Variants in MYLK observed in about 807,000 individuals in gnomAD.
The protein encoded by MYLK is myosin light chain kinase, also known as myosin light chain kinase, smooth muscle.
Under a neutral mutation model 203.4 loss-of-function variants are expected in MYLK, and 106 were observed. That is an observed-to-expected ratio of 0.52 (90% CI 0.45 to 0.61). MYLK has a LOEUF of 0.61. Ranked by LOEUF, MYLK falls within the 20% of genes least tolerant of loss-of-function variation. The pLI is 0.00. For missense variants in MYLK, 2,072 were observed against 2,442.3 expected, an observed-to-expected ratio of 0.85 and a Z score of 3.20; for synonymous variants, 867 against 959.5, an observed-to-expected ratio of 0.90 and a Z score of 1.78.
At chr3:123,860,755 G>A (rs1237754373) in intron 2 of MYLK, among the ~76,000 whole-genome samples, 19 of 152,088 alleles carry the variant, frequency 1.2e-4, no homozygotes, top group Admixed American at 1.2e-3. Flanking sequence ...CTGTCTTGTT[G>A]CTTCTTCTTC....
In MYLK at chr3:123,733,907, G is replaced by T; in HGVS notation, c.1089C>A (p.Val363=). 1.2e-6 allele frequency: 2 copies of T among 1,614,218 alleles called. No individual in the cohort carries two copies. Among genetic ancestry groups the T allele is most frequent in the Non-Finnish European group, 1.7e-6 (2 of 1,180,040 alleles). ...QPEPRAPGLG[V]LSPSGEERKR... is the part of the protein sequence containing the mutation. ...TCCTCTCTTCTCCAGAAGGTGATAG[G>T]ACCCCCAGGCCTGGTGCTCTTGGTT... Residue 363 remains valine, a synonymous_variant, in exon 10 of 34, where the codon GTC becomes GTA. Transcript: ENST00000360304.
At chr3:123,644,657 T>C (rs1361684199) in intron 27 of MYLK, 1 of 152,192 alleles carries the variant, frequency 6.6e-6, no homozygotes, top group Non-Finnish European at 1.5e-5. Flanking sequence ...CCACATGTCC[T>C]CACATGCCCA....
intron 31 of MYLK, chr3:123,623,314 C>T (rs2057970175): frequency 6.6e-6 from 1 of 152,158 alleles, no homozygotes; most frequent in African/African-American, 2.4e-5. Flanking sequence ...AAGATGGCTA[C>T]CTAAGGGCCT....
intron 4 of MYLK, among the ~76,000 whole-genome samples, chr3:123,789,473 C>T (rs1201757968): frequency 6.6e-6 from 1 of 151,886 alleles, no homozygotes; most frequent in Non-Finnish European, 1.5e-5. Flanking sequence ...GTGGGCGTAT[C>T]CCTTGGGCAG....
chr3:123,713,595 G>A (rs1182858521), intron 13 of MYLK, among the ~76,000 whole-genome samples: 8 of 116,476 alleles, frequency 6.9e-5, no homozygotes, highest in Non-Finnish European at 1.3e-4. Flanking sequence ...GTGTGTGTGT[G>A]TGTGTGTGTG....
intron 5 of MYLK, among the ~76,000 whole-genome samples, chr3:123,744,225 T>C (rs539549775): frequency 6.6e-6 from 1 of 152,202 alleles, no homozygotes; most frequent in African/African-American, 2.4e-5. Flanking sequence ...TATAAAAATA[T>C]GGATTTCAAT....
intron 5 of MYLK, among the ~76,000 whole-genome samples, chr3:123,740,933 G>A (rs1027550903): frequency 5.3e-5 from 8 of 152,224 alleles, no homozygotes; most frequent in Non-Finnish European, 7.3e-5. Flanking sequence ...GCAGCTGGGA[G>A]GGACAATTCA....
At chr3:123,799,768 G>C (rs1322857863) in intron 3 of MYLK, 1 of 152,478 alleles carries the variant, frequency 6.6e-6, no homozygotes, top group Non-Finnish European at 1.5e-5. Context: ...GCTGTGCCAG[G>C]CTGACTTGCT....
chr3:123,718,547 G>A (rs910205416), intron 13 of MYLK, among the ~76,000 whole-genome samples: 4 of 152,194 alleles, frequency 2.6e-5, no homozygotes, highest in East Asian at 1.9e-4. Flanking sequence ...AGAGGCTGCT[G>A]TCTTGCTACT....
At chr3:123,841,958 A>G (rs963951068) in intron 2 of MYLK, among the ~76,000 whole-genome samples, 1 of 152,186 alleles carries the variant, frequency 6.6e-6, no homozygotes, top group Middle Eastern at 3.2e-3. Flanking sequence ...ATTATCTCCC[A>G]TCATGGCCAT....
At position 123,612,541 on chromosome 3, in the gene MYLK, T is replaced by C. The variant is rs998021055; in HGVS notation, c.*1564A>G. 6.6e-6 allele frequency: 1 copy of C among 152,520 alleles called. No homozygotes were observed. The highest frequency in any genetic ancestry group is 1.5e-5 in the Non-Finnish European group (1 of 67,992). The allele number at this position is 152,520 out of a possible 1,614,324, so 9.4% of individuals were successfully genotyped here. Reference sequence around the variant, plus strand: ...AAAGCTTTGAATGCGCTAAATCAAATAAAAACCCTTTATTATAATAAACTG... The same window carrying C: ...AAAGCTTTGAATGCGCTAAATCAAACAAAAACCCTTTATTATAATAAACTG... On this transcript the variant is annotated 3_prime_UTR_variant, in exon 34 of 34. Coordinates refer to ENST00000360304, the MANE Select transcript of MYLK (RefSeq NM_053025.4).
At chr3:123,686,904 C>T (rs966625231) in intron 19 of MYLK, among the ~76,000 whole-genome samples, 1 of 152,132 alleles carries the variant, frequency 6.6e-6, no homozygotes, top group African/African-American at 2.4e-5. Flanking sequence ...ACATAATACC[C>T]GTTAGTTGTC....
chr3:123,633,537 C>T (rs1411263168), intron 29 of MYLK, among the ~76,000 whole-genome samples: 1 of 152,236 alleles, frequency 6.6e-6, no homozygotes, highest in Non-Finnish European at 1.5e-5. Flanking sequence ...ATGGATTGAT[C>T]TGTTTTTCAC....
In MYLK at chr3:123,854,497, T is replaced by C. The variant is rs73201835; in HGVS notation, c.-127+22062A>G. 4.7e-3 allele frequency among the ~76,000 whole-genome samples: 723 copies of C among 152,298 alleles called. 4 individuals are homozygous for C. The highest frequency in any genetic ancestry group is 8.2e-3 in the Non-Finnish European group (560 of 68,030). ...AATAAATATAAATATATTTTATCAA[T>C]TTCTATGTTTACCATTGCCTCTTAC... On this transcript the variant is annotated intron_variant, in intron 2 of 33. Transcript: ENST00000360304.
chr3:123,759,367 A>T (rs1188163510), intron 4 of MYLK, among the ~76,000 whole-genome samples: 1 of 152,178 alleles, frequency 6.6e-6, no homozygotes. Context: ...AGCCCAGGAG[A>T]TCACTCTTCT....
intron 2 of MYLK, among the ~76,000 whole-genome samples, chr3:123,869,107 G>T (rs9869083): frequency 1.3e-5 from 2 of 152,048 alleles, no homozygotes; most frequent in Non-Finnish European, 2.9e-5. Flanking sequence ...TGAGCAGGGC[G>T]GCCTAGGAGC....
intron 32 of MYLK, 103 bp downstream of exon 32, chr3:123,620,104 T>TA (rs371409878): frequency 0.055 from 53,820 of 977,786 alleles, 1,064 homozygotes; most frequent in East Asian, 0.21. Flanking sequence ...CAGGGAATAT[T>TA]AAAATAAAAA....
Position 123,700,909 on chromosome 3 carries a change from C to A in MYLK, c.2559G>T (p.Trp853Cys). 6.2e-7 allele frequency: 1 copy of A among 1,612,412 alleles called. No individual in the cohort carries two copies. Among genetic ancestry groups the A allele is most frequent in the Non-Finnish European group, 8.5e-7 (1 of 1,180,024 alleles). ...SDRYGSLRPG[W>C]PARGQGWLEE... ...CTAGCCAACCCTGCCCTCTTGCTGG[C>A]CAGCCAGGCCTCAGGGACCCATAGC... The change falls in exon 18 of 34, where the codon TGG becomes TGT. Residue 853 changes from tryptophan (W) to cysteine (C), a missense_variant. Physicochemically the swap from Trp to Cys is radical, Grantham distance 215. Transcript: ENST00000360304.
intron 32 of MYLK, 84 bp from the exon 33 acceptor site, chr3:123,618,854 A>G: frequency 1.9e-6 from 3 of 1,577,848 alleles, no homozygotes; most frequent in Non-Finnish European, 2.6e-6. Flanking sequence ...AACTTTTAAA[A>G]AAGTTGCTAT....
Sources: allele counts gnomAD v4.1 joint callset (sites outside exome capture counted in the v4.1 genomes callset), GRCh38; gene constraint gnomAD v4.1.1; transcripts MANE v1.5; gene names NCBI Gene and HGNC (gene_info 2026-07-23, HGNC 2026-07-21).